POU6F2: variants seen among roughly 807,000 people sequenced by gnomAD.
POU6F2 encodes POU class 6 homeobox 2.
Under a neutral mutation model 71.3 loss-of-function variants are expected in POU6F2, and 31 were observed. The ratio of observed to expected loss-of-function variants is 0.43; its 90% confidence interval spans 0.33 to 0.59. POU6F2 has a LOEUF of 0.59. POU6F2 is among the 20% of genes least tolerant of loss of function. The pLI is 0.04. For missense variants in POU6F2, 783 were observed against 856.8 expected, an observed-to-expected ratio of 0.91 and a Z score of 1.07; for synonymous variants, 347 against 355.7, an observed-to-expected ratio of 0.98 and a Z score of 0.27.
intron 2 of POU6F2, among the ~76,000 whole-genome samples, chr7:39,203,449 C>T (rs1014746689): frequency 5.9e-5 from 9 of 152,212 alleles, no homozygotes; most frequent in Admixed American, 5.2e-4. Context: ...GTTTGTGTAT[C>T]TATTGTTTCT....
At chr7:39,112,549 G>A (rs1342921562) in intron 2 of POU6F2, among the ~76,000 whole-genome samples, 1 of 152,020 alleles carries the variant, frequency 6.6e-6, no homozygotes, top group Non-Finnish European at 1.5e-5. Flanking sequence ...TGTTTAAACT[G>A]AGTTGCCACT....
chr7:39,185,803 ATATATGTATATG>A (rs200793063), intron 2 of POU6F2, among the ~76,000 whole-genome samples: 8,464 of 141,880 alleles, frequency 0.06, 445 homozygotes, highest in African/African-American at 0.14. Context: ...GTATACATAT[ATATATGTATATG>A]TATATGTATA....
chr7:39,117,111 A>G (rs757046338), intron 2 of POU6F2, among the ~76,000 whole-genome samples: 1 of 152,222 alleles, frequency 6.6e-6, no homozygotes, highest in Non-Finnish European at 1.5e-5. Flanking sequence ...GTATGTTTCA[A>G]ATGAATTCAG....
At chr7:39,292,849 G>C (rs1329904643) in intron 4 of POU6F2, among the ~76,000 whole-genome samples, 1 of 152,128 alleles carries the variant, frequency 6.6e-6, no homozygotes, top group Non-Finnish European at 1.5e-5. Flanking sequence ...CCTCAAAGAA[G>C]ATAATTGGGT....
intron 1 of POU6F2, among the ~76,000 whole-genome samples, chr7:39,048,381 G>A (rs902979356): frequency 6.6e-6 from 1 of 151,588 alleles, no homozygotes; most frequent in Non-Finnish European, 1.5e-5. Context: ...CCCTCAAGTA[G>A]GCCCCAGTGT....
At chr7:39,368,432 G>A (rs929144901) in intron 5 of POU6F2, among the ~76,000 whole-genome samples, 3 of 152,190 alleles carry the variant, frequency 2.0e-5, no homozygotes, top group Non-Finnish European at 4.4e-5. Context: ...GCAGAGGTTG[G>A]TCCATGAGAC....
intron 6 of POU6F2, among the ~76,000 whole-genome samples, chr7:39,419,079 A>G (rs562971210): frequency 4.2e-5 from 6 of 141,242 alleles, no homozygotes; most frequent in African/African-American, 1.6e-4. Flanking sequence ...ATACACACAT[A>G]TATACGTATA....
At chr7:39,249,422 G>A (rs1036653370) in intron 4 of POU6F2, among the ~76,000 whole-genome samples, 12 of 152,218 alleles carry the variant, frequency 7.9e-5, no homozygotes, top group Admixed American at 5.9e-4. Context: ...CTCTTAAAAC[G>A]TACAGCACCC....
At chr7:39,288,653 G>A (rs1046931328) in intron 4 of POU6F2, among the ~76,000 whole-genome samples, 5 of 152,008 alleles carry the variant, frequency 3.3e-5, no homozygotes, top group African/African-American at 7.2e-5. Context: ...TTCCCTAATC[G>A]TGGTCAGTAG....
intron 4 of POU6F2, among the ~76,000 whole-genome samples, chr7:39,270,634 C>T (rs1439259871): frequency 6.6e-6 from 1 of 152,116 alleles, no homozygotes; most frequent in Non-Finnish European, 1.5e-5. Context: ...ACAGCCTAAA[C>T]CTGGATCTTG....
intron 2 of POU6F2, among the ~76,000 whole-genome samples, chr7:39,092,039 CT>C (rs1791371385): frequency 6.6e-6 from 1 of 152,214 alleles, no homozygotes; most frequent in Non-Finnish European, 1.5e-5. Flanking sequence ...CAGGCCTTCC[CT>C]GGGAATGCAG....
chr7:39,406,499 C>G, intron 5 of POU6F2, 101 bp from the exon 6 acceptor site: 1 of 1,405,216 alleles, frequency 7.1e-7, no homozygotes, highest in Non-Finnish European at 9.7e-7. Context: ...TTTGCATGAG[C>G]GAATTGAGGC....
intron 7 of POU6F2, among the ~76,000 whole-genome samples, chr7:39,435,561 TC>T (rs1437155230): frequency 6.6e-6 from 1 of 152,258 alleles, no homozygotes; most frequent in East Asian, 1.9e-4. Context: ...GCAAAAATTT[TC>T]TCCCATTCTG....
At chr7:39,342,205 C>T (rs991184146) in intron 5 of POU6F2, among the ~76,000 whole-genome samples, 3 of 119,660 alleles carry the variant, frequency 2.5e-5, no homozygotes, top group Non-Finnish European at 3.6e-5. Context: ...AAATCTGTGT[C>T]GGTAGGCATA....
intron 1 of POU6F2, among the ~76,000 whole-genome samples, chr7:39,075,317 G>A (rs1010571589): frequency 2.0e-5 from 3 of 152,236 alleles, no homozygotes; most frequent in African/African-American, 7.2e-5. Context: ...ATGGTGGGTT[G>A]GAGTTCTGGC....
At chr7:39,373,187 A>C (rs981138372) in intron 5 of POU6F2, among the ~76,000 whole-genome samples, 6 of 152,216 alleles carry the variant, frequency 3.9e-5, no homozygotes, top group African/African-American at 1.4e-4. Context: ...TGCCTGACGC[A>C]TAGTGAGTGC....
intron 1 of POU6F2, among the ~76,000 whole-genome samples, chr7:39,030,543 T>TATATATATACAC (rs1491146903): frequency 1.1e-5 from 1 of 88,018 alleles, no homozygotes; most frequent in African/African-American, 3.9e-5. Context: ...TATATATATA[T>TATATATATACAC]ACACACACAT....
intron 5 of POU6F2, among the ~76,000 whole-genome samples, chr7:39,396,279 G>C (rs1787173352): frequency 6.6e-6 from 1 of 152,098 alleles, no homozygotes; most frequent in African/African-American, 2.4e-5. Flanking sequence ...TCAACTCTGG[G>C]CTTGACTATT....
rs375088794 is a variant in POU6F2, at chr7:39,130,423, T to G, written c.277+44392T>G. Among the ~76,000 whole-genome samples the G allele has an allele frequency of 5.1e-4, 77 of 152,228 alleles. 1 individual carries two copies. The South Asian group carries it at 0.015, about 30-fold the overall frequency. ...GCCATCCAAATGACTTAGTTGACAG[T>G]ACATGGAACAGCATCATAGCTGCAA... On this transcript the variant is annotated intron_variant, in intron 2 of 9. Transcript: ENST00000518318.
Sources: gnomAD v4.1 joint callset for allele counts (sites outside exome capture counted in the v4.1 genomes callset) on GRCh38, gnomAD v4.1.1 for gene constraint, MANE v1.5 for transcripts, NCBI Gene and HGNC (gene_info 2026-07-23, HGNC 2026-07-21) for gene names.